Variants in CACNA1E observed in about 807,000 individuals in gnomAD.
CACNA1E encodes the protein calcium voltage-gated channel subunit alpha1 E.
CACNA1E carries 40 observed loss-of-function variants against 259.2 expected under a neutral mutation model. The ratio of observed to expected loss-of-function variants is 0.15; its 90% CI spans 0.12 to 0.20. The LOEUF is 0.20. Ranked by LOEUF, CACNA1E falls within the 10% of genes least tolerant of loss-of-function variation. The probability of loss-of-function intolerance (pLI) is 1.00; values close to 1 mark genes in which losing one functional copy is unlikely to be tolerated. For synonymous variants in CACNA1E, 1,104 were observed against 1,138.5 expected, an observed-to-expected ratio of 0.97 and a Z score of 0.61; for missense variants, 1,874 against 3,040.1, an observed-to-expected ratio of 0.62 and a Z score of 9.02.
chr1:181,336,297 A>G (rs760304397), intron 1 of CACNA1E, among the ~76,000 whole-genome samples: 1 of 152,232 alleles, frequency 6.6e-6, no homozygotes, highest in Non-Finnish European at 1.5e-5. Context: ...AATGATAAAT[A>G]AGAAAGTACT....
intron 34 of CACNA1E, among the ~76,000 whole-genome samples, chr1:181,764,289 TA>T (rs1658840089): frequency 6.6e-6 from 1 of 152,210 alleles, no homozygotes; most frequent in Admixed American, 6.5e-5. Flanking sequence ...TTGGGGGGCC[TA>T]AATGTTGTTC....
In CACNA1E at chr1:181,485,546, C is replaced by G. The variant is rs553379697; in HGVS notation, c.266+1536C>G. On this transcript the variant is annotated intron_variant, in intron 1 of 47. Coordinates refer to ENST00000367573, the MANE Select transcript of CACNA1E (RefSeq NM_001205293.3). This position sits in a 1 kb window ranked among gnomAD's most constrained non-coding sequence, Gnocchi z 4.2. The stretch of plus-strand genomic sequence containing the variant: ...GCATCCCGCTCCCCTGCTCCACTCT[C>G]ACAGAGTGATCCCAGGCCATCCATT... Among the ~76,000 whole-genome samples, 1 of 152,334 alleles carries G rather than the reference C, an allele frequency of 6.6e-6. No individual in the cohort carries two copies. The highest frequency in any genetic ancestry group is 2.4e-5 in the African/African-American group (1 of 41,582).
intron 1 of CACNA1E, among the ~76,000 whole-genome samples, chr1:181,498,102 A>G (rs1177459713): frequency 1.3e-5 from 2 of 152,090 alleles, no homozygotes. Flanking sequence ...AGAGAAGTCT[A>G]CCCTCAGTCC....
chr1:181,652,261 C>T (rs897801107), intron 7 of CACNA1E, among the ~76,000 whole-genome samples: 2 of 151,996 alleles, frequency 1.3e-5, no homozygotes, highest in African/African-American at 2.4e-5. Flanking sequence ...AGAGCTGAGA[C>T]GGGGATATAT....
chr1:181,362,518 G>T (rs1298497046), intron 1 of CACNA1E, among the ~76,000 whole-genome samples: 1 of 152,232 alleles, frequency 6.6e-6, no homozygotes, highest in Non-Finnish European at 1.5e-5. Flanking sequence ...GTAGAATAGA[G>T]ATGATGATAC....
intron 2 of CACNA1E, among the ~76,000 whole-genome samples, chr1:181,447,870 C>A (rs981469563): frequency 3.3e-5 from 5 of 152,214 alleles, no homozygotes; most frequent in Non-Finnish European, 7.3e-5. Flanking sequence ...GAAGCTGCTG[C>A]ATTCCTTGGC....
intron 32 of CACNA1E, among the ~76,000 whole-genome samples, chr1:181,762,212 T>C (rs1558359006): frequency 6.6e-6 from 1 of 152,242 alleles, no homozygotes; most frequent in Non-Finnish European, 1.5e-5. Context: ...CCATTAAATA[T>C]GGATAGCTTT....
intron 2 of CACNA1E, among the ~76,000 whole-genome samples, chr1:181,450,608 T>A (rs1267050264): frequency 6.6e-6 from 1 of 152,132 alleles, no homozygotes; most frequent in African/African-American, 2.4e-5. Context: ...CGCAGTAATA[T>A]CATGGATGGA....
At chr1:181,372,773 T>C (rs1358192348) in intron 1 of CACNA1E, among the ~76,000 whole-genome samples, 3 of 151,626 alleles carry the variant, frequency 2.0e-5, no homozygotes, top group Admixed American at 1.3e-4. Flanking sequence ...CTTTGATACC[T>C]AGTTTGTTGA....
chr1:181,747,863 G>A (rs1246305149), intron 25 of CACNA1E, among the ~76,000 whole-genome samples: 1 of 152,156 alleles, frequency 6.6e-6, no homozygotes, highest in Admixed American at 6.5e-5. Context: ...ATGGATTTGG[G>A]AGCAGTACTT....
rs993626348 is a variant in CACNA1E at position 181,802,685 on chromosome 1, G to A, written c.*3851G>A. 2 of 152,206 alleles carry A rather than the reference G, an allele frequency of 1.3e-5. No homozygotes were observed. 9.4% of individuals were successfully genotyped at this position (152,206 alleles called of 1,614,324 possible). ...AGACAACTGACACAAGGTGTAGGGTGTGGGGGTGGACAAAATGCCCACCTA... is the reference window on the plus strand; with the variant it reads ...AGACAACTGACACAAGGTGTAGGGTATGGGGGTGGACAAAATGCCCACCTA... On this transcript the variant is annotated 3_prime_UTR_variant, in exon 48 of 48. Coordinates refer to ENST00000367573, the MANE Select transcript of CACNA1E (RefSeq NM_001205293.3).
chr1:181,752,280 C>T (rs1657661788), intron 27 of CACNA1E, 41 bp downstream of exon 27: 2 of 1,404,116 alleles, frequency 1.4e-6, no homozygotes, highest in African/African-American at 2.8e-5. Context: ...TCCCCTTCTC[C>T]CATCTTCTCT....
intron 1 of CACNA1E, among the ~76,000 whole-genome samples, chr1:181,399,223 T>C (rs1028990886): frequency 4.6e-5 from 7 of 151,822 alleles, no homozygotes; most frequent in African/African-American, 1.7e-4. Context: ...AGAGTTTTTT[T>C]TTTTTTAAAG....
At chr1:181,522,872 C>T (rs549247892) in intron 3 of CACNA1E, among the ~76,000 whole-genome samples, 20 of 152,232 alleles carry the variant, frequency 1.3e-4, no homozygotes, top group Non-Finnish European at 2.6e-4. Context: ...TTCCATCCCA[C>T]ATCCCCTCTT....
intron 1 of CACNA1E, among the ~76,000 whole-genome samples, chr1:181,365,545 C>A (rs1245654063): frequency 6.6e-6 from 1 of 152,224 alleles, no homozygotes; most frequent in African/African-American, 2.4e-5. Context: ...AGGGCAGCTG[C>A]AGCCTATTGG....
chr1:181,370,405 C>G (rs1654601389), intron 1 of CACNA1E, among the ~76,000 whole-genome samples: 1 of 150,248 alleles, frequency 6.7e-6, no homozygotes, highest in Non-Finnish European at 1.5e-5. Context: ...GAGCATGGTA[C>G]CTGATTCAAG....
At chr1:181,543,272 G>A (rs900989921) in intron 3 of CACNA1E, among the ~76,000 whole-genome samples, 6 of 152,030 alleles carry the variant, frequency 3.9e-5, no homozygotes, top group Non-Finnish European at 7.4e-5. Flanking sequence ...TGCGTGTGTC[G>A]GGAGGGGACC....
chr1:181,506,435 G>C (rs996458390), intron 1 of CACNA1E, among the ~76,000 whole-genome samples: 1 of 152,206 alleles, frequency 6.6e-6, no homozygotes, highest in Non-Finnish European at 1.5e-5. Flanking sequence ...GCAAAGCCCT[G>C]TCTTTGTAAT....
chr1:181,511,900 A>G (rs985416573), intron 3 of CACNA1E, among the ~76,000 whole-genome samples: 1 of 152,242 alleles, frequency 6.6e-6, no homozygotes, highest in Non-Finnish European at 1.5e-5. Context: ...AAGACGGGCC[A>G]AAAGATGTAG....
Sources: gnomAD v4.1 joint callset for allele counts (sites outside exome capture counted in the v4.1 genomes callset) on GRCh38, gnomAD v4.1.1 for gene constraint, Gnocchi (gnomAD v3.1) non-coding constraint, MANE v1.5 for transcripts, NCBI Gene and HGNC (gene_info 2026-07-23, HGNC 2026-07-21) for gene names.